Variants in DVL2 observed in about 807,000 individuals in gnomAD.
DVL2 encodes dishevelled segment polarity protein 2, also known as segment polarity protein dishevelled homolog DVL-2.
Under a neutral mutation model 69.8 loss-of-function variants are expected in DVL2, and 38 were observed. The ratio of observed to expected loss-of-function variants is 0.54; its 90% CI spans 0.42 to 0.71. DVL2 has a LOEUF of 0.71. Ranked by LOEUF, DVL2 falls within the 30% of genes least tolerant of loss-of-function variation. The pLI, the probability that DVL2 is intolerant of heterozygous loss-of-function variation, is 0.00. For missense variants in DVL2, 931 were observed against 1,008.1 expected, an observed-to-expected ratio of 0.92 and a Z score of 1.04; for synonymous variants, 428 against 392.4, an observed-to-expected ratio of 1.09 and a Z score of -1.07.
rs2071604159 is a variant in DVL2 at position 7,234,455 on chromosome 17, C to T, written c.-193G>A. 4.6e-6 allele frequency: 3 copies of T among 646,548 alleles called. No individual in the cohort carries two copies. Among genetic ancestry groups the T allele is most frequent in the Admixed American group, 3.8e-5 (1 of 26,564 alleles). The allele number at this position is 646,548 out of a possible 1,614,324, so 40.1% of individuals were successfully genotyped here. A position where few individuals can be genotyped will look rare whatever the true frequency, so the allele number is the denominator to read the frequency against. ...GCGGGCCGCGGGGTGCGACTCAAAG[C>T]CCCGGTCTCAGCGGCCGCCGCGCGC... On this transcript the variant is annotated 5_prime_UTR_variant, in exon 1 of 15. Coordinates refer to ENST00000005340, the MANE Select transcript of DVL2 (RefSeq NM_004422.3).
In DVL2 at chr17:7,229,982, C is replaced by T. The variant is rs775482994; in HGVS notation, c.521-39G>A. ...GGAAGCTCAAGAACCAAGCTTCCCC[C>T]TGCTCACCCCACCAAGGCTGGGGTC... On this transcript the variant is annotated intron_variant, in intron 4 of 14. Coordinates refer to ENST00000005340, the MANE Select transcript of DVL2 (RefSeq NM_004422.3). The surrounding 1 kb of genome is among the most constrained non-coding windows in gnomAD (Gnocchi z 4.4). 6.2e-7 allele frequency: 1 copy of T among 1,609,642 alleles called. No individual in the cohort carries two copies.
chr17:7,227,305 C>T (rs374800182), intron 12 of DVL2, 36 bp from the exon 13 acceptor site: 1 of 1,599,822 alleles, frequency 6.3e-7, no homozygotes, highest in Non-Finnish European at 8.5e-7. Context: ...GCCTCAGGTT[C>T]TTCTTCCAAC....
At chr17:7,231,543 A>G (rs1413835262) in intron 1 of DVL2, among the ~76,000 whole-genome samples, 1 of 151,004 alleles carries the variant, frequency 6.6e-6, no homozygotes, top group Non-Finnish European at 1.5e-5. Context: ...ATTCATTTCT[A>G]GAAGACTGTC....
Position 7,225,708 on chromosome 17 carries a change from G to A in DVL2, c.*157C>T, listed in dbSNP as rs1046566935. 2 of 669,450 alleles carry A rather than the reference G, an allele frequency of 3.0e-6. No homozygotes were observed. Among genetic ancestry groups the A allele is most frequent in the Non-Finnish European group, 2.6e-6 (1 of 383,766 alleles). The allele number at this position is 669,450 out of a possible 1,614,324, so 41.5% of individuals were successfully genotyped here. On this transcript the variant is annotated 3_prime_UTR_variant, in exon 15 of 15. Coordinates refer to ENST00000005340, the MANE Select transcript of DVL2 (RefSeq NM_004422.3). ...TTGTCTACCCCTGAGGGAAGGGGGA[G>A]GAACCAGGCACTGCTGGTGAGAGTC...
Position 7,226,409 on chromosome 17 carries a change from G to A in DVL2, c.1762+12C>T. On this transcript the variant is annotated intron_variant, in intron 14 of 14. Transcript: ENST00000005340. ...CAGATCCTGGCCGTACAGGTATGTG[G>A]GGATGACTTACCCTCACTATGCTGG... 6.5e-7 allele frequency: 1 copy of A among 1,531,526 alleles called. No individual in the cohort carries two copies. The highest frequency in any genetic ancestry group is 8.8e-7 in the Non-Finnish European group (1 of 1,140,570). 94.9% of individuals were successfully genotyped at this position (1,531,526 alleles called of 1,614,324 possible).
chr17:7,228,631 A>T lies in DVL2; in HGVS notation c.1034+338T>A, dbSNP rs552592840. 52 of 248,752 alleles carry T rather than the reference A, an allele frequency of 2.1e-4. No individual in the cohort carries two copies. In the East Asian group the frequency reaches 4.8e-3, roughly 23 times the overall value. The allele number at this position is 248,752 out of a possible 1,614,324, so 15.4% of individuals were successfully genotyped here. A position where few individuals can be genotyped will look rare whatever the true frequency, so the allele number is the denominator to read the frequency against. ...AGTCTTGCTCTGTCGCCCAGGCTGG[A>T]GTGCAGTGGCGTGATCTCGTTTCAC... On this transcript the variant is annotated intron_variant, in intron 9 of 14. Coordinates refer to ENST00000005340, the MANE Select transcript of DVL2 (RefSeq NM_004422.3).
intron 1 of DVL2, among the ~76,000 whole-genome samples, chr17:7,233,535 C>T (rs2071580382): frequency 6.6e-6 from 1 of 152,134 alleles, no homozygotes. Context: ...CCTCCGCCTC[C>T]CAGGTTCAAG....
chr17:7,233,667 C>T (rs1025573436), intron 1 of DVL2, among the ~76,000 whole-genome samples: 1 of 152,112 alleles, frequency 6.6e-6, no homozygotes, highest in African/African-American at 2.4e-5. Context: ...CCAGGATGGC[C>T]TCGATCTCCT....
chr17:7,226,595 C>G lies in DVL2; in HGVS notation c.1588G>C (p.Ala530Pro), dbSNP rs1267079739. Residue 530 changes from alanine to proline, a missense_variant, in exon 14 of 15, where the codon GCT becomes CCT. By Grantham distance (27) the Ala-to-Pro change is conservative (BLOSUM62 -1). Transcript: ENST00000005340. ...SLNDNDGSSG[A>P]SDQDTLAPLP... ...GGAGCCAGGGTATCCTGGTCTGAAGCCCCACTGGAGCCATCGTTGTCATTG... is the reference window on the plus strand; with the variant it reads ...GGAGCCAGGGTATCCTGGTCTGAAGGCCCACTGGAGCCATCGTTGTCATTG... 3 of 1,598,138 alleles carry G rather than the reference C, an allele frequency of 1.9e-6. No individual in the cohort carries two copies. The highest frequency in any genetic ancestry group is 2.6e-6 in the Non-Finnish European group (3 of 1,173,750).
intron 9 of DVL2, chr17:7,228,749 T>C: frequency 1.9e-6 from 1 of 533,548 alleles, no homozygotes; most frequent in Admixed American, 3.2e-5. Flanking sequence ...GCCCACTTAA[T>C]TTTTCTATTT....
At chr17:7,233,227 G>C (rs951512473) in intron 1 of DVL2, among the ~76,000 whole-genome samples, 2 of 151,898 alleles carry the variant, frequency 1.3e-5, no homozygotes, top group Non-Finnish European at 2.9e-5. Context: ...AATTACCCTA[G>C]GATAGCCCAA....
Position 7,229,995 on chromosome 17 carries a change from C to A in DVL2, c.520+51G>T. On this transcript the variant is annotated intron_variant, in intron 4 of 14. Coordinates refer to ENST00000005340, the MANE Select transcript of DVL2 (RefSeq NM_004422.3). This position sits in a 1 kb window ranked among gnomAD's most constrained non-coding sequence, Gnocchi z 4.4. The stretch of plus-strand genomic sequence containing the variant: ...CCAAGCTTCCCCCTGCTCACCCCAC[C>A]AAGGCTGGGGTCTGGCCCAGCCCTT... The A allele has an allele frequency of 1.6e-5, 26 of 1,611,006 alleles. No homozygotes were observed. The highest frequency in any genetic ancestry group is 2.2e-5 in the Non-Finnish European group (26 of 1,179,824).
intron 1 of DVL2, among the ~76,000 whole-genome samples, chr17:7,233,140 A>G (rs772362495): frequency 6.7e-6 from 1 of 150,044 alleles, no homozygotes; most frequent in Admixed American, 6.7e-5. Flanking sequence ...GCTCAGCCCC[A>G]AAGACCATAA....
Position 7,225,687 on chromosome 17 carries a change from C to G in DVL2, c.*178G>C. Reference sequence around the variant, plus strand: ...CTAAAAATAATCAAAGGTCCCTTGTCTACCCCTGAGGGAAGGGGGAGGAAC... The same window carrying G: ...CTAAAAATAATCAAAGGTCCCTTGTGTACCCCTGAGGGAAGGGGGAGGAAC... On this transcript the variant is annotated 3_prime_UTR_variant, in exon 15 of 15. Transcript: ENST00000005340. 1 of 616,438 alleles carries G rather than the reference C, an allele frequency of 1.6e-6. No homozygotes were observed. The highest frequency in any genetic ancestry group is 2.9e-6 in the Non-Finnish European group (1 of 349,636). The allele number at this position is 616,438 out of a possible 1,614,324, so 38.2% of individuals were successfully genotyped here.
chr17:7,227,398 C>T lies in DVL2; in HGVS notation c.1363+6G>A, dbSNP rs751826858. On this transcript the variant is annotated splice_donor_region_variant and intron_variant, in intron 12 of 14. Transcript: ENST00000005340. ...CTCCAGCCACCTGCCCAGGACCCAG[C>T]CATACCCAGAAAGGCATTAGGGATG... is the stretch of plus-strand genomic sequence containing the variant. 6.2e-7 allele frequency: 1 copy of T among 1,613,458 alleles called. No individual in the cohort carries two copies. Among genetic ancestry groups the T allele is most frequent in the Non-Finnish European group, 8.5e-7 (1 of 1,179,420 alleles).
At position 7,225,727 on chromosome 17, in the gene DVL2, G is replaced by C. The variant is rs535004618; in HGVS notation, c.*138C>G. ...GGGGGAGGAACCAGGCACTGCTGGT[G>C]AGAGTCACAGTGGCCACAATCTCCT... On this transcript the variant is annotated 3_prime_UTR_variant, in exon 15 of 15. Transcript: ENST00000005340. 1.3e-4 allele frequency: 100 copies of C among 746,622 alleles called. 1 individual carries two copies. In the East Asian group the frequency reaches 2.3e-3, roughly 17 times the overall value. The allele number at this position is 746,622 out of a possible 1,614,324, so 46.2% of individuals were successfully genotyped here. A position where few individuals can be genotyped will look rare whatever the true frequency, so the allele number is the denominator to read the frequency against.
intron 1 of DVL2, 112 bp from the exon 2 acceptor site, chr17:7,230,909 C>T: frequency 1.3e-6 from 1 of 756,046 alleles, no homozygotes; most frequent in East Asian, 2.7e-5. Context: ...CTTTCTCCTG[C>T]CCTGTTCAGG....
chr17:7,227,871 CT>C, intron 10 of DVL2, 88 bp from the exon 11 acceptor site: 1 of 1,557,442 alleles, frequency 6.4e-7, no homozygotes, highest in East Asian at 2.4e-5. Flanking sequence ...TGTTCCACCT[CT>C]GCCTGGACCC....
At chr17:7,227,819 A>T (rs1248608724) in intron 10 of DVL2, 36 bp from the exon 11 acceptor site, 5 of 1,556,852 alleles carry the variant, frequency 3.2e-6, no homozygotes, top group Non-Finnish European at 4.3e-6. Context: ...ACCCATTCTC[A>T]GTCCCCAAAA....
Sources: allele counts gnomAD v4.1 joint callset (sites outside exome capture counted in the v4.1 genomes callset), GRCh38; gene constraint gnomAD v4.1.1; non-coding constraint Gnocchi (gnomAD v3.1); transcripts MANE v1.5; gene names NCBI Gene and HGNC (gene_info 2026-07-23, HGNC 2026-07-21).